TENM3: variants seen among roughly 807,000 people sequenced by gnomAD.
TENM3 encodes teneurin-3.
Under a neutral mutation model 255.1 loss-of-function variants are expected in TENM3, and 63 were observed. The observed-to-expected ratio is 0.25, with a 90% confidence interval of 0.20 to 0.30. The LOEUF (loss-of-function observed/expected upper bound fraction) is 0.30, where lower values mean the gene tolerates loss of function less well. TENM3 is among the 10% of genes least tolerant of loss of function. The pLI is 1.00. For synonymous variants in TENM3, 1,306 were observed against 1,322.3 expected, an observed-to-expected ratio of 0.99 and a Z score of 0.27; for missense variants, 2,929 against 3,461.1, an observed-to-expected ratio of 0.85 and a Z score of 3.86.
At chr4:181,811,247 GTTATTC>G in the TENM3 span, among the ~76,000 whole-genome samples, 7 of 152,122 alleles carry the variant, frequency 4.6e-5, no homozygotes, top group Admixed American at 1.3e-4. Context: ...TCTCTTCCCA[GTTATTC>G]TTATTTATGT....
the TENM3 span, among the ~76,000 whole-genome samples, chr4:181,713,467 T>C: frequency 2.6e-5 from 4 of 152,182 alleles, no homozygotes; most frequent in African/African-American, 9.7e-5. Flanking sequence ...GGTATTGTAG[T>C]ATCTCCTTTG....
chr4:182,629,145 TA>T (rs1483837883), intron 5 of TENM3, among the ~76,000 whole-genome samples: 1 of 152,188 alleles, frequency 6.6e-6, no homozygotes, highest in Non-Finnish European at 1.5e-5. Flanking sequence ...GTGTTTGACT[TA>T]TCCCTTGTGA....
chr4:182,556,203 A>C (rs932357802), intron 3 of TENM3, among the ~76,000 whole-genome samples: 5 of 152,222 alleles, frequency 3.3e-5, no homozygotes, highest in African/African-American at 9.6e-5. Flanking sequence ...GCATGAAAGC[A>C]GCAATTTTAC....
chr4:181,913,103 G>A, the TENM3 span, among the ~76,000 whole-genome samples: 4 of 152,098 alleles, frequency 2.6e-5, no homozygotes, highest in Admixed American at 6.6e-5. Context: ...AACACGGAGA[G>A]GAAAAGAAAA....
chr4:182,251,427 C>T (rs1434478288), intron 1 of TENM3, among the ~76,000 whole-genome samples: 1 of 152,062 alleles, frequency 6.6e-6, no homozygotes, highest in Non-Finnish European at 1.5e-5. Context: ...ATGATCACAC[C>T]ACTGAACTCC....
Position 182,176,574 on chromosome 4 carries a change from A to AT in TENM3, c.-76+31822dup, listed in dbSNP as rs554242327. On this transcript the variant is annotated intron_variant, in intron 1 of 2. Coordinates refer to the TENM3 transcript ENST00000512480. ...TGACAAATTTTAAAATAAACTCGTA[A>AT]TTATTTGTTAAAACAGTCACCAACA... 4.9e-4 allele frequency among the ~76,000 whole-genome samples: 74 copies of AT among 152,298 alleles called. 2 individuals carry two copies. Among genetic ancestry groups the AT allele is most frequent in the African/African-American group, 1.7e-3 (70 of 41,572 alleles).
chr4:181,448,856 T>C, the TENM3 span, among the ~76,000 whole-genome samples: 1 of 152,196 alleles, frequency 6.6e-6, no homozygotes, highest in Non-Finnish European at 1.5e-5. Flanking sequence ...ATTTTAAGTT[T>C]TTCTAAACAT....
the TENM3 span, among the ~76,000 whole-genome samples, chr4:181,474,124 A>T: frequency 2.1e-4 from 32 of 152,144 alleles, no homozygotes; most frequent in East Asian, 4.3e-3. Flanking sequence ...GAACACATGG[A>T]CACAGGGAAG....
At chr4:182,142,109 A>G (rs1749483741), upstream of TENM3, 1 of 151,880 alleles carries the variant, frequency 6.6e-6, no homozygotes, top group Non-Finnish European at 1.5e-5. Context: ...ACACACCTTC[A>G]TAATTGACAA....
rs1485614738 is a variant in TENM3 at position 182,653,800 on chromosome 4, C to A, written c.1018C>A (p.Leu340Ile). Residue 340 changes from leucine (L) to isoleucine (I), a missense_variant, in exon 6 of 28, where the codon CTA becomes ATA. Coordinates refer to ENST00000511685, the MANE Select transcript of TENM3 (RefSeq NM_001080477.4). ...AMHLFGLNWQLQQTENDTFEN... is the reference protein window; with the variant it reads ...AMHLFGLNWQIQQTENDTFEN... ...GCATCTCTTTGGCCTCAACTGGCAG[C>A]TACAGCAGACTGAAAATGACACATT... is the stretch of plus-strand genomic sequence containing the variant. The A allele has an allele frequency of 6.2e-7, 1 of 1,612,598 alleles. No individual in the cohort carries two copies. Among genetic ancestry groups the A allele is most frequent in the South Asian group, 1.1e-5 (1 of 90,888 alleles).
intron 3 of TENM3, among the ~76,000 whole-genome samples, chr4:182,473,846 T>C (rs1387336908): frequency 6.6e-6 from 1 of 152,034 alleles, no homozygotes; most frequent in Non-Finnish European, 1.5e-5. Context: ...TAGTCCCAGC[T>C]ACTCTGGAGG....
At chr4:181,599,209 A>G in the TENM3 span, among the ~76,000 whole-genome samples, 2 of 152,332 alleles carry the variant, frequency 1.3e-5, no homozygotes, top group Non-Finnish European at 2.9e-5. Flanking sequence ...TACCTTATTC[A>G]AGGACCTCAT....
At chr4:181,843,136 T>C in the TENM3 span, among the ~76,000 whole-genome samples, 3 of 152,216 alleles carry the variant, frequency 2.0e-5, no homozygotes, top group Non-Finnish European at 2.9e-5. Context: ...CTTTATGACT[T>C]TTGACAACTT....
chr4:182,257,990 A>G (rs1309430522), intron 1 of TENM3, among the ~76,000 whole-genome samples: 1 of 152,170 alleles, frequency 6.6e-6, no homozygotes, highest in Non-Finnish European at 1.5e-5. Context: ...ATCCTGATTG[A>G]AAAATATTCT....
At chr4:181,569,444 T>A in the TENM3 span, among the ~76,000 whole-genome samples, 1 of 152,214 alleles carries the variant, frequency 6.6e-6, no homozygotes, top group Non-Finnish European at 1.5e-5. Flanking sequence ...GTGGATAGAA[T>A]AGAATGTAAG....
the TENM3 span, among the ~76,000 whole-genome samples, chr4:181,883,022 AT>A: frequency 4.6e-5 from 7 of 151,830 alleles, no homozygotes; most frequent in Non-Finnish European, 8.8e-5. Context: ...ATAGATAAAT[AT>A]TCCTGCAGAT....
At chr4:182,727,369 TCACTTGAAC>T (rs1760286353) in intron 13 of TENM3, among the ~76,000 whole-genome samples, 1 of 147,148 alleles carries the variant, frequency 6.8e-6, no homozygotes, top group South Asian at 2.1e-4. Context: ...GGCAGGAGAA[TCACTTGAAC>T]CAGTTAGGCG....
At chr4:182,224,923 G>A (rs942854778) in intron 1 of TENM3, among the ~76,000 whole-genome samples, 3 of 151,786 alleles carry the variant, frequency 2.0e-5, no homozygotes, top group Admixed American at 1.3e-4. Context: ...TTTTAGTGAC[G>A]GGGTTTCACC....
chr4:181,809,133 A>G, the TENM3 span, among the ~76,000 whole-genome samples: 1 of 152,178 alleles, frequency 6.6e-6, no homozygotes, highest in African/African-American at 2.4e-5. Flanking sequence ...TGATTAGTTC[A>G]CTTGAAGAAG....
Sources: gnomAD v4.1 joint callset for allele counts (sites outside exome capture counted in the v4.1 genomes callset) on GRCh38, gnomAD v4.1.1 for gene constraint, MANE v1.5 for transcripts, NCBI Gene and HGNC (gene_info 2026-07-23, HGNC 2026-07-21) for gene names.